CNBD1: variants seen among roughly 807,000 people sequenced by gnomAD.
CNBD1 encodes cyclic nucleotide-binding domain-containing protein 1.
Under a neutral mutation model 54.4 loss-of-function variants are expected in CNBD1, and 71 were observed. The observed-to-expected ratio is 1.30, with a 90% CI of 1.08 to 1.59. The LOEUF is 1.59. Among genes scored for constraint, CNBD1 ranks in the 40% most tolerant of loss-of-function variants. The probability of loss-of-function intolerance (pLI) is 0.00; values close to 1 mark genes in which losing one functional copy is unlikely to be tolerated. For missense variants in CNBD1, 659 were observed against 518.0 expected (o/e 1.27, Z -2.64); for synonymous variants, 182 against 170.7 (o/e 1.07, Z -0.51).
rs923336851 is a variant in CNBD1, at chr8:87,096,804, C to T, written c.432-109189C>T. The stretch of plus-strand genomic sequence containing the variant: ...TTCTGACTCTGCTCATTTTTCTTCC[C>T]TTTTTTTTTTTTTACCTTTTCCTCT... On this transcript the variant is annotated intron_variant, in intron 4 of 10. Coordinates refer to ENST00000518476, the MANE Select transcript of CNBD1 (RefSeq NM_173538.3). Among the ~76,000 whole-genome samples, 754 of 145,818 alleles carry T rather than the reference C, an allele frequency of 5.2e-3. 2 individuals carry two copies. The highest frequency in any genetic ancestry group is 0.013 in the African/African-American group (509 of 39,676).
At chr8:87,263,980 G>C (rs922482197) in intron 6 of CNBD1, among the ~76,000 whole-genome samples, 1 of 151,904 alleles carries the variant, frequency 6.6e-6, no homozygotes, top group Non-Finnish European at 1.5e-5. Context: ...TTTATGTTGA[G>C]TATTAAAAAG....
At chr8:87,301,302 T>A (rs1312635515) in intron 8 of CNBD1, among the ~76,000 whole-genome samples, 6 of 152,016 alleles carry the variant, frequency 3.9e-5, no homozygotes, top group Non-Finnish European at 5.9e-5. Flanking sequence ...TTTGAAACAA[T>A]ACCACAAGAT....
chr8:87,115,568 G>T (rs537436216), intron 4 of CNBD1, among the ~76,000 whole-genome samples: 1 of 152,232 alleles, frequency 6.6e-6, no homozygotes, highest in African/African-American at 2.4e-5. Flanking sequence ...AATATAGCTG[G>T]ACACATTTAT....
intron 4 of CNBD1, among the ~76,000 whole-genome samples, chr8:87,037,472 T>C (rs1377386684): frequency 6.6e-6 from 1 of 152,156 alleles, no homozygotes; most frequent in Non-Finnish European, 1.5e-5. Context: ...CTTCTGGAAT[T>C]CATAATAAAC....
chr8:87,278,313 G>C (rs971981732), intron 6 of CNBD1, among the ~76,000 whole-genome samples: 2 of 151,556 alleles, frequency 1.3e-5, no homozygotes, highest in Admixed American at 1.3e-4. Flanking sequence ...TCTGACTGTG[G>C]AAAGACATCT....
At position 86,905,203 on chromosome 8, in the gene CNBD1, A is replaced by G; in HGVS notation, c.272+9A>G. Reference sequence around the variant, plus strand: ...AAACAGGAGGAACAAAGGTAATGATACCTTCTTTTGAAAGCAAGGTTGATG... The same window carrying G: ...AAACAGGAGGAACAAAGGTAATGATGCCTTCTTTTGAAAGCAAGGTTGATG... On this transcript the variant is annotated intron_variant, in intron 3 of 10. Transcript: ENST00000518476. The G allele has an allele frequency of 6.6e-7, 1 of 1,516,824 alleles. No individual in the cohort carries two copies. The allele number at this position is 1,516,824 out of a possible 1,614,324, so 94.0% of individuals were successfully genotyped here. A position where few individuals can be genotyped will look rare whatever the true frequency, so the allele number is the denominator to read the frequency against.
intron 4 of CNBD1, among the ~76,000 whole-genome samples, chr8:87,102,932 T>C (rs1269727089): frequency 6.6e-6 from 1 of 152,020 alleles, no homozygotes; most frequent in Admixed American, 6.6e-5. Context: ...TGTTAAATGA[T>C]AAAAGAGACA....
chr8:87,216,314 G>T (rs912078778), intron 5 of CNBD1, among the ~76,000 whole-genome samples: 4 of 152,114 alleles, frequency 2.6e-5, no homozygotes, highest in Non-Finnish European at 5.9e-5. Flanking sequence ...TCTGTGAAAT[G>T]ATTTAAACAA....
intron 4 of CNBD1, among the ~76,000 whole-genome samples, chr8:87,194,221 C>T (rs1813668423): frequency 6.6e-6 from 1 of 152,122 alleles, no homozygotes; most frequent in Non-Finnish European, 1.5e-5. Flanking sequence ...GCCTAGTGTA[C>T]AGTTCTCTTG....
In CNBD1 at chr8:86,992,682, A is replaced by G. The variant is rs146793808; in HGVS notation, c.431+52928A>G. 4.0e-3 allele frequency among the ~76,000 whole-genome samples: 603 copies of G among 151,656 alleles called. 3 individuals carry two copies. Among genetic ancestry groups the G allele is most frequent in the African/African-American group, 0.014 (562 of 41,294 alleles). ...ATCTAGTTGTTAGGAATTCTCTTAG[A>G]CTCTACTTGTCTGAGAAGGATTATC... On this transcript the variant is annotated intron_variant, in intron 4 of 10. Coordinates refer to ENST00000518476, the MANE Select transcript of CNBD1 (RefSeq NM_173538.3).
chr8:86,985,813 C>G (rs1403859902), intron 4 of CNBD1, among the ~76,000 whole-genome samples: 1 of 152,214 alleles, frequency 6.6e-6, no homozygotes, highest in Non-Finnish European at 1.5e-5. Context: ...TGCATTCCCA[C>G]CAACAATGGT....
At chr8:87,015,614 C>T (rs1809338173) in intron 4 of CNBD1, among the ~76,000 whole-genome samples, 1 of 152,178 alleles carries the variant, frequency 6.6e-6, no homozygotes, top group Non-Finnish European at 1.5e-5. Flanking sequence ...TGACTTTCTC[C>T]TTCACCTTTT....
chr8:87,340,120 G>A (rs111270095), intron 8 of CNBD1, among the ~76,000 whole-genome samples: 228 of 152,122 alleles, frequency 1.5e-3, no homozygotes, highest in Admixed American at 2.9e-3. Context: ...CATCCCTCTC[G>A]TTTTCATTTT....
intron 4 of CNBD1, among the ~76,000 whole-genome samples, chr8:86,983,465 G>A (rs1448323423): frequency 2.0e-5 from 3 of 152,166 alleles, no homozygotes; most frequent in Admixed American, 6.5e-5. Flanking sequence ...TGGGTAACAG[G>A]CAGAGGTTGA....
At chr8:87,077,417 T>C (rs1272031187) in intron 4 of CNBD1, among the ~76,000 whole-genome samples, 7 of 150,758 alleles carry the variant, frequency 4.6e-5, no homozygotes, top group South Asian at 4.2e-4. Context: ...TTCTTCTTTT[T>C]TTTTTTTTTT....
At chr8:86,958,752 AGC>A (rs1429426948) in intron 4 of CNBD1, among the ~76,000 whole-genome samples, 1 of 152,172 alleles carries the variant, frequency 6.6e-6, no homozygotes, top group African/African-American at 2.4e-5. Context: ...TCCTGAATAC[AGC>A]ACACTGATAG....
At chr8:87,170,543 G>T (rs1813064577) in intron 4 of CNBD1, among the ~76,000 whole-genome samples, 1 of 145,354 alleles carries the variant, frequency 6.9e-6, no homozygotes, top group African/African-American at 2.5e-5. Flanking sequence ...TTGGAGGAAA[G>T]GCTTGCAGTT....
rs986332239 is a variant in CNBD1 at position 87,163,532 on chromosome 8, T to G, written c.432-42461T>G. ...AGTTTTCTTACCTCCTTGGTTAAAT[T>G]TATTCCTAAGTATTTAAAATATTAA... is the stretch of plus-strand genomic sequence containing the variant. On this transcript the variant is annotated intron_variant, in intron 4 of 10. Coordinates refer to ENST00000518476, the MANE Select transcript of CNBD1 (RefSeq NM_173538.3). This position sits in a 1 kb window ranked among gnomAD's most constrained non-coding sequence, Gnocchi z 4.5. Among the ~76,000 whole-genome samples the G allele has an allele frequency of 3.9e-5, 6 of 151,944 alleles. No homozygotes were observed. The highest frequency in any genetic ancestry group is 1.2e-4 in the African/African-American group (5 of 41,440).
intron 6 of CNBD1, among the ~76,000 whole-genome samples, chr8:87,265,428 A>T (rs929074662): frequency 6.6e-6 from 1 of 152,054 alleles, no homozygotes; most frequent in African/African-American, 2.4e-5. Flanking sequence ...TTGAAGTCAG[A>T]TAGCGTGATG....
Sources: gnomAD v4.1 joint callset for allele counts (sites outside exome capture counted in the v4.1 genomes callset) on GRCh38, gnomAD v4.1.1 for gene constraint, Gnocchi (gnomAD v3.1) non-coding constraint, MANE v1.5 for transcripts, NCBI Gene and HGNC (gene_info 2026-07-23, HGNC 2026-07-21) for gene names.